Variants in ZNF85 observed in about 807,000 individuals in gnomAD.
ZNF85 encodes zinc finger protein 85.
Under a neutral mutation model 53.9 loss-of-function variants are expected in ZNF85, and 50 were observed. The observed-to-expected ratio is 0.93, with a 90% confidence interval of 0.74 to 1.17. ZNF85 has a LOEUF of 1.17. Among genes scored for constraint, ZNF85 ranks in the 50% most tolerant of loss-of-function variants. ZNF85 has a pLI of 0.00. For synonymous variants in ZNF85, 225 were observed against 226.1 expected (o/e 1.00, Z 0.04); for missense variants, 747 against 688.5 (o/e 1.08, Z -0.95).
chr19:20,932,684 C>T (rs1973051006), intron 1 of ZNF85, among the ~76,000 whole-genome samples: 1 of 151,020 alleles, frequency 6.6e-6, no homozygotes, highest in African/African-American at 2.4e-5. Context: ...CCAGAAAGTT[C>T]TAAAAAAAAA....
At position 20,949,320 on chromosome 19, in the gene ZNF85, G is replaced by A. The variant is rs140775014; in HGVS notation, c.806G>A (p.Arg269Gln). ...KCEECGKTFNRFSTLTTHKII... is the reference protein window; with the variant it reads ...KCEECGKTFNQFSTLTTHKII... The stretch of plus-strand genomic sequence containing the variant: ...GAAGAATGTGGCAAAACTTTTAACC[G>A]ATTCTCAACTCTTACTACCCATAAG... Residue 269 changes from arginine to glutamine, a missense_variant, in exon 4 of 4, where the codon CGA becomes CAA. Physicochemically the swap from Arg to Gln is conservative, Grantham distance 43. Coordinates refer to ENST00000328178, the MANE Select transcript of ZNF85 (RefSeq NM_003429.5). 1,682 of 1,601,736 alleles carry A rather than the reference G, an allele frequency of 1.1e-3. 2 individuals carry two copies. The highest frequency in any genetic ancestry group is 1.3e-3 in the Non-Finnish European group (1,526 of 1,174,598).
At position 20,934,934 on chromosome 19, in the gene ZNF85, T is replaced by A; in HGVS notation, c.131-15T>A. On this transcript the variant is annotated splice_polypyrimidine_tract_variant and intron_variant, in intron 2 of 3. Transcript: ENST00000328178. ...ATATGAGCAAGATTTATATTATTTA[T>A]TTTTAATAAAACAGGTATTACTGTT... is the stretch of plus-strand genomic sequence containing the variant. 1 of 1,575,344 alleles carries A rather than the reference T, an allele frequency of 6.3e-7. No individual in the cohort carries two copies. The highest frequency in any genetic ancestry group is 1.2e-5 in the South Asian group (1 of 86,608).
chr19:20,926,584 C>A (rs200329553), intron 1 of ZNF85, among the ~76,000 whole-genome samples: 3 of 148,918 alleles, frequency 2.0e-5, no homozygotes. Context: ...ATTGAGCCTA[C>A]AAAAAAAAAA....
Position 20,950,166 on chromosome 19 carries a change from C to G in ZNF85, c.1652C>G (p.Ser551Ter). The G allele has an allele frequency of 6.2e-7, 1 of 1,613,586 alleles. No homozygotes were observed. Among genetic ancestry groups the G allele is most frequent in the Admixed American group, 1.7e-5 (1 of 59,988 alleles). Reference sequence around the variant, plus strand: ...TGTGGCAAAGCCTTTAACCAGTCCTCAAACCTTACTAAACATAAGAGAATT... The same window carrying G: ...TGTGGCAAAGCCTTTAACCAGTCCTGAAACCTTACTAAACATAAGAGAATT... ...EECGKAFNQS[S>*]NLTKHKRIHT... Residue 551 changes from serine (S) to a stop codon, truncating the protein, a stop_gained, in exon 4 of 4, where the codon TCA becomes TGA. Coordinates refer to ENST00000328178, the MANE Select transcript of ZNF85 (RefSeq NM_003429.5). LOFTEE classifies it high-confidence loss of function.
rs551409919 is a variant in ZNF85, at chr19:20,927,807, G to A, written c.3+4404G>A. On this transcript the variant is annotated intron_variant, in intron 1 of 3. Transcript: ENST00000328178. Reference sequence around the variant, plus strand: ...CTGAGGCAGAAGAATCGCTTGAACCGGCAGGCGGAGGTTGCAGTGAGCCGA... The same window carrying A: ...CTGAGGCAGAAGAATCGCTTGAACCAGCAGGCGGAGGTTGCAGTGAGCCGA... The A allele has an allele frequency of 2.2e-4, 34 of 152,512 alleles. 1 individual carries two copies. The East Asian group carries it at 3.1e-3, about 14-fold the overall frequency. 9.4% of individuals were successfully genotyped at this position (152,512 alleles called of 1,614,324 possible). A position where few individuals can be genotyped will look rare whatever the true frequency, so the allele number is the denominator to read the frequency against.
At chr19:20,937,316 C>T (rs1206852853) in intron 3 of ZNF85, 1 of 456,240 alleles carries the variant, frequency 2.2e-6, no homozygotes, top group Non-Finnish European at 4.4e-6. Context: ...AGACATGAGC[C>T]TCAGCGCCCA....
intron 1 of ZNF85, among the ~76,000 whole-genome samples, chr19:20,932,055 G>A (rs1391935049): frequency 1.3e-5 from 2 of 152,196 alleles, no homozygotes; most frequent in Non-Finnish European, 2.9e-5. Flanking sequence ...ACATAAATGA[G>A]TGAGCTTTTT....
At chr19:20,947,557 C>G (rs1449894177) in intron 3 of ZNF85, among the ~76,000 whole-genome samples, 1 of 112,656 alleles carries the variant, frequency 8.9e-6, no homozygotes. Flanking sequence ...TAGTTCCCTT[C>G]TCGCTTGCAA....
chr19:20,938,585 T>G (rs1235784096), intron 3 of ZNF85, among the ~76,000 whole-genome samples: 1 of 152,194 alleles, frequency 6.6e-6, no homozygotes, highest in Non-Finnish European at 1.5e-5. Flanking sequence ...TTTCTTTCTA[T>G]TTTCCATTTC....
At chr19:20,939,651 A>G (rs189253684) in intron 3 of ZNF85, among the ~76,000 whole-genome samples, 1 of 152,190 alleles carries the variant, frequency 6.6e-6, no homozygotes, top group Non-Finnish European at 1.5e-5. Context: ...CGTTAAGTCA[A>G]TGTGAGGTTT....
chr19:20,943,861 A>C (rs1211622103), intron 3 of ZNF85: 2 of 152,328 alleles, frequency 1.3e-5, no homozygotes, highest in Non-Finnish European at 2.9e-5. Flanking sequence ...GTATAATATC[A>C]GTCTTTGTCT....
At chr19:20,930,282 G>A (rs1297479827) in intron 1 of ZNF85, among the ~76,000 whole-genome samples, 1 of 152,028 alleles carries the variant, frequency 6.6e-6, no homozygotes, top group Non-Finnish European at 1.5e-5. Context: ...GTATTAAAGT[G>A]AGTGCTTGCA....
intron 1 of ZNF85, among the ~76,000 whole-genome samples, 174 bp from the exon 2 acceptor site, chr19:20,933,845 ATTATT>A (rs1405009053): frequency 6.6e-6 from 1 of 152,176 alleles, no homozygotes; most frequent in East Asian, 1.9e-4. Flanking sequence ...TGTTAAAAAA[ATTATT>A]TTATTTTATA....
At position 20,950,456 on chromosome 19, in the gene ZNF85, G is replaced by C. The variant is rs903871774; in HGVS notation, c.*154G>C. 1 of 559,368 alleles carries C rather than the reference G, an allele frequency of 1.8e-6. No homozygotes were observed. The highest frequency in any genetic ancestry group is 4.3e-5 in the South Asian group (1 of 23,474). The allele number at this position is 559,368 out of a possible 1,614,324, so 34.7% of individuals were successfully genotyped here. Reference sequence around the variant, plus strand: ...CATACTGGTGAGAAATTCTAAAAATGTGAAGACTATGGCAAAGTCTTTAAA... The same window carrying C: ...CATACTGGTGAGAAATTCTAAAAATCTGAAGACTATGGCAAAGTCTTTAAA... On this transcript the variant is annotated 3_prime_UTR_variant, in exon 4 of 4. Transcript: ENST00000328178.
Position 20,936,358 on chromosome 19 carries a change from A to G in ZNF85, c.229+1311A>G, listed in dbSNP as rs1599435546. Among the ~76,000 whole-genome samples, 7 of 135,482 alleles carry G rather than the reference A, an allele frequency of 5.2e-5. No homozygotes were observed. The South Asian group carries it at 1.6e-3, about 31-fold the overall frequency. 88.9% of individuals were successfully genotyped at this position (135,482 alleles called of 152,430 possible). Reference sequence around the variant, plus strand: ...TTAAAATAGAAACATTGACAATGGTATTGGGAATGGGTGCTTGGTGTCACA... The same window carrying G: ...TTAAAATAGAAACATTGACAATGGTGTTGGGAATGGGTGCTTGGTGTCACA... On this transcript the variant is annotated intron_variant, in intron 3 of 3. Coordinates refer to ENST00000328178, the MANE Select transcript of ZNF85 (RefSeq NM_003429.5).
At chr19:20,937,883 G>T (rs577705851) in intron 3 of ZNF85, among the ~76,000 whole-genome samples, 2 of 152,324 alleles carry the variant, frequency 1.3e-5, no homozygotes, top group East Asian at 3.9e-4. Flanking sequence ...ACCAAGCTGG[G>T]TGGGCCATTT....
intron 1 of ZNF85, 105 bp downstream of exon 1, chr19:20,923,508 C>G: frequency 6.3e-7 from 1 of 1,576,948 alleles, no homozygotes; most frequent in East Asian, 2.2e-5. Context: ...GCTCCACAAT[C>G]TGCGCTCCAG....
At chr19:20,923,522 T>G in intron 1 of ZNF85, 119 bp downstream of exon 1, 4 of 1,537,224 alleles carry the variant, frequency 2.6e-6, no homozygotes, top group Non-Finnish European at 3.5e-6. Context: ...GCTCCAGTTC[T>G]TTTTGCCCAG....
chr19:20,929,274 C>T lies in ZNF85; in HGVS notation c.4-4750C>T, dbSNP rs111246991. 3.6e-3 allele frequency among the ~76,000 whole-genome samples: 554 copies of T among 151,930 alleles called. 3 individuals carry two copies. Among genetic ancestry groups the T allele is most frequent in the African/African-American group, 0.012 (508 of 41,440 alleles). On this transcript the variant is annotated intron_variant, in intron 1 of 3. Transcript: ENST00000328178. ...CATGATCTCAGCTTACTGCAACCTC[C>T]GCCTCCCAGGTTCAAGCAATTCTTC...
Sources: gnomAD v4.1 joint callset for allele counts (sites outside exome capture counted in the v4.1 genomes callset) on GRCh38, gnomAD v4.1.1 for gene constraint, MANE v1.5 for transcripts, NCBI Gene and HGNC (gene_info 2026-07-23, HGNC 2026-07-21) for gene names.